Variants in DNAH14 observed in about 807,000 individuals in gnomAD.
DNAH14 encodes the protein axonemal beta dynein heavy chain 14.
A neutral mutation model predicts 520.9 loss-of-function variants in DNAH14; 478 were observed. That is an observed-to-expected ratio of 0.92 (90% CI 0.85 to 0.99). The LOEUF (loss-of-function observed/expected upper bound fraction) is 0.99. DNAH14 is among the 50% of genes least tolerant of loss of function. The probability of loss-of-function intolerance (pLI) is 0.00; values close to 1 mark genes in which losing one functional copy is unlikely to be tolerated. For missense variants in DNAH14, 4,831 were observed against 5,234.5 expected (o/e 0.92, Z 2.38); for synonymous variants, 1,581 against 1,757.2 (o/e 0.90, Z 2.51).
intron 15 of DNAH14, among the ~76,000 whole-genome samples, chr1:225,044,659 A>G (rs1299058450): frequency 6.6e-6 from 1 of 152,200 alleles, no homozygotes; most frequent in Non-Finnish European, 1.5e-5. Context: ...GGTAGTCAGT[A>G]TGTCCCTTGA....
At chr1:225,224,466 A>C (rs2090348267) in intron 41 of DNAH14, among the ~76,000 whole-genome samples, 1 of 152,098 alleles carries the variant, frequency 6.6e-6, no homozygotes, top group Admixed American at 6.6e-5. Flanking sequence ...AAAGTCATCT[A>C]TACAGGCCAC....
intron 31 of DNAH14, 110 bp downstream of exon 31, chr1:225,147,359 GT>G (rs148211135): frequency 3.0e-3 from 3,050 of 1,033,532 alleles, no homozygotes; most frequent in South Asian, 4.0e-3. Context: ...TCTTTGGGGT[GT>G]TTTTTTTTTA....
Position 225,145,327 on chromosome 1 carries a change from C to T in DNAH14, c.4742C>T (p.Ser1581Phe), listed in dbSNP as rs1443450380. 7.1e-6 allele frequency: 11 copies of T among 1,543,390 alleles called. No individual in the cohort carries two copies. Among genetic ancestry groups the T allele is most frequent in the African/African-American group, 1.4e-5 (1 of 72,864 alleles). ...TACTAAAATATTTTTGTTTCCCAGT[C>T]CTTAGGCAAACATTGTGTGGTCTTC... ...KTETVKDLAK[S>F]LGKHCVVFNC... is the part of the protein sequence containing the mutation. Residue 1581 changes from serine (S) to phenylalanine (F), a missense_variant and splice_region_variant, in exon 30 of 86, where the codon TCC becomes TTC. By Grantham distance (155) the Ser-to-Phe change is radical (BLOSUM62 -2). Transcript: ENST00000682510.
chr1:224,937,901 T>C (rs1252543258), intron 1 of DNAH14, among the ~76,000 whole-genome samples: 2 of 151,862 alleles, frequency 1.3e-5, no homozygotes, highest in African/African-American at 4.8e-5. Flanking sequence ...ATTCACACAT[T>C]TACAACCAAC....
At position 224,951,969 on chromosome 1, in the gene DNAH14, AC is replaced by A. The variant is rs571992518; in HGVS notation, c.-33-697del. Among the ~76,000 whole-genome samples, 22 of 152,194 alleles carry A rather than the reference AC, an allele frequency of 1.4e-4. No individual in the cohort carries two copies. In the East Asian group the frequency reaches 3.9e-3, roughly 27 times the overall value. ...TTCTATTCTAGTAAGAACTACTCTT[AC>A]CCCTGGCTTATTTCAGTCTATCTTA... On this transcript the variant is annotated intron_variant, in intron 1 of 85. Transcript: ENST00000682510.
intron 71 of DNAH14, among the ~76,000 whole-genome samples, chr1:225,349,871 T>C (rs2095340717): frequency 6.6e-6 from 1 of 152,110 alleles, no homozygotes; most frequent in African/African-American, 2.4e-5. Flanking sequence ...AGTACCCCAT[T>C]TTCAATAGCG....
chr1:225,065,995 CCTT>C (rs1480418772), intron 17 of DNAH14, among the ~76,000 whole-genome samples: 4 of 151,988 alleles, frequency 2.6e-5, no homozygotes, highest in Non-Finnish European at 5.9e-5. Flanking sequence ...GTTCAACTGT[CCTT>C]CTTTCTCCAA....
At chr1:225,066,395 A>C (rs1453865211) in intron 17 of DNAH14, among the ~76,000 whole-genome samples, 1 of 152,052 alleles carries the variant, frequency 6.6e-6, no homozygotes, top group Non-Finnish European at 1.5e-5. Context: ...GGTCATATCC[A>C]AGAAATCATT....
chr1:225,347,965 G>C (rs1272040133), intron 71 of DNAH14, among the ~76,000 whole-genome samples: 1 of 151,790 alleles, frequency 6.6e-6, no homozygotes, highest in Non-Finnish European at 1.5e-5. Flanking sequence ...AAATAACAGA[G>C]AACTAAATAA....
Position 225,231,118 on chromosome 1 carries a change from G to A in DNAH14, c.6485G>A (p.Arg2162Lys), listed in dbSNP as rs1558099602. The change falls in exon 42 of 86, where the codon AGA becomes AAA. Residue 2162 changes from arginine (R) to lysine (K), a missense_variant. Coordinates refer to ENST00000682510, the MANE Select transcript of DNAH14 (RefSeq NM_001367479.1). ...DTSSKEANSQ[R>K]ESVTFKDIEK... ...TCATCTAAGGAGGCAAATTCCCAAA[G>A]AGAGTCTGTCACATTCAAGGATATA... 1.3e-6 allele frequency: 2 copies of A among 1,547,670 alleles called. No homozygotes were observed. The highest frequency in any genetic ancestry group is 2.7e-5 in the African/African-American group (2 of 72,886).
chr1:225,181,309 G>C (rs2083965706), intron 36 of DNAH14, among the ~76,000 whole-genome samples: 1 of 152,042 alleles, frequency 6.6e-6, no homozygotes, highest in African/African-American at 2.4e-5. Flanking sequence ...ATACCTTTTT[G>C]GTATAATGAT....
intron 43 of DNAH14, among the ~76,000 whole-genome samples, chr1:225,245,947 G>T (rs1359775444): frequency 1.3e-5 from 2 of 151,628 alleles, no homozygotes; most frequent in Middle Eastern, 3.2e-3. Flanking sequence ...CAAAGCTAGA[G>T]GCATCACACT....
chr1:225,124,645 A>C (rs1045274886), intron 27 of DNAH14, among the ~76,000 whole-genome samples: 5 of 152,164 alleles, frequency 3.3e-5, no homozygotes, highest in African/African-American at 1.2e-4. Flanking sequence ...CCACATCTAC[A>C]GTTACTTCCA....
intron 42 of DNAH14, among the ~76,000 whole-genome samples, chr1:225,234,431 G>A (rs903028098): frequency 9.9e-5 from 15 of 151,950 alleles, no homozygotes; most frequent in African/African-American, 2.9e-4. Context: ...CTCATGATCC[G>A]CCCACCTCAG....
chr1:225,019,175 C>A (rs1293727330), intron 10 of DNAH14, among the ~76,000 whole-genome samples: 1 of 151,958 alleles, frequency 6.6e-6, no homozygotes, highest in Non-Finnish European at 1.5e-5. Context: ...CTAAGAGACC[C>A]ATCTCACAAG....
At chr1:225,186,377 G>A (rs2084735699) in intron 37 of DNAH14, among the ~76,000 whole-genome samples, 1 of 151,720 alleles carries the variant, frequency 6.6e-6, no homozygotes, top group East Asian at 1.9e-4. Flanking sequence ...AATTATCACA[G>A]CAATAATAAT....
chr1:225,237,195 G>T (rs913375755), intron 42 of DNAH14, among the ~76,000 whole-genome samples: 1 of 152,010 alleles, frequency 6.6e-6, no homozygotes, highest in Non-Finnish European at 1.5e-5. Context: ...TCTTTATGTG[G>T]TTGTTTCATA....
intron 56 of DNAH14, among the ~76,000 whole-genome samples, chr1:225,301,906 G>C (rs933192594): frequency 6.6e-6 from 1 of 151,818 alleles, no homozygotes; most frequent in Non-Finnish European, 1.5e-5. Flanking sequence ...TACCGTGGTA[G>C]GAAGAAGGAT....
intron 8 of DNAH14, among the ~76,000 whole-genome samples, chr1:224,987,623 C>T (rs2062732662): frequency 6.6e-6 from 1 of 151,928 alleles, no homozygotes; most frequent in Non-Finnish European, 1.5e-5. Context: ...AGGTTGAATT[C>T]TTTTATTTTA....
Sources: gnomAD v4.1 joint callset for allele counts (sites outside exome capture counted in the v4.1 genomes callset) on GRCh38, gnomAD v4.1.1 for gene constraint, MANE v1.5 for transcripts, NCBI Gene and HGNC (gene_info 2026-07-23, HGNC 2026-07-21) for gene names.